The following NIBAN1 variants were observed in gnomAD, a reference collection of about 807,000 sequenced individuals.
NIBAN1 encodes the protein niban apoptosis regulator 1, also known as protein Niban 1.
A neutral mutation model predicts 75.1 loss-of-function variants in NIBAN1; 81 were observed. The ratio of observed to expected loss-of-function variants is 1.08; its 90% CI spans 0.90 to 1.30. NIBAN1 has a LOEUF of 1.30. Among genes scored for constraint, NIBAN1 ranks in the 50% most tolerant of loss-of-function variants. The pLI, the probability that NIBAN1 is intolerant of heterozygous loss-of-function variation, is 0.00. For missense variants in NIBAN1, 1,133 were observed against 1,128.1 expected (o/e 1.00, Z -0.06); for synonymous variants, 436 against 424.8 (o/e 1.03, Z -0.32).
chr1:184,924,506 T>C (rs1445287507), intron 1 of NIBAN1, among the ~76,000 whole-genome samples: 1 of 152,120 alleles, frequency 6.6e-6, no homozygotes, highest in Non-Finnish European at 1.5e-5. Context: ...TGTAGTTTTC[T>C]TTTTTTGATG....
chr1:184,973,913 T>G (rs1659001625), intron 1 of NIBAN1, among the ~76,000 whole-genome samples: 1 of 152,220 alleles, frequency 6.6e-6, no homozygotes, highest in Admixed American at 6.5e-5. Context: ...CCCAGGGGTA[T>G]CTCTAGAAAC....
intron 1 of NIBAN1, among the ~76,000 whole-genome samples, chr1:184,965,663 G>A (rs1658764878): frequency 6.6e-6 from 1 of 152,176 alleles, no homozygotes; most frequent in African/African-American, 2.4e-5. Flanking sequence ...ACGGTGGAGG[G>A]GAGAGGGAGG....
chr1:184,877,075 A>G (rs1656252428), intron 5 of NIBAN1, among the ~76,000 whole-genome samples: 1 of 152,212 alleles, frequency 6.6e-6, no homozygotes, highest in African/African-American at 2.4e-5. Flanking sequence ...GTCAATAATA[A>G]ATAGTGGAAA....
Position 184,818,798 on chromosome 1 carries a change from C to A in NIBAN1, c.1013G>T (p.Ser338Ile), listed in dbSNP as rs1410533486. Residue 338 changes from serine to isoleucine, a missense_variant, in exon 9 of 14, where the codon AGC becomes ATC. Coordinates refer to ENST00000367511, the MANE Select transcript of NIBAN1 (RefSeq NM_052966.4). ...KAMVAQPAEK[S>I]CLESVQPFLA... ...GAATGGCTGCACACTCTCCAAGCAG[C>A]TTTTCTCCGCCGGCTGGGCCACCAT... 1 of 1,599,960 alleles carries A rather than the reference C, an allele frequency of 6.3e-7. No homozygotes were observed. Among genetic ancestry groups the A allele is most frequent in the South Asian group, 1.1e-5 (1 of 89,992 alleles).
At chr1:184,835,129 G>A (rs1333010802) in intron 5 of NIBAN1, among the ~76,000 whole-genome samples, 1 of 152,088 alleles carries the variant, frequency 6.6e-6, no homozygotes, top group Non-Finnish European at 1.5e-5. Context: ...TTTTTGTCAG[G>A]TTTGTCAAAG....
At chr1:184,919,951 T>G (rs1293165891) in intron 1 of NIBAN1, among the ~76,000 whole-genome samples, 2 of 151,972 alleles carry the variant, frequency 1.3e-5, no homozygotes, top group Non-Finnish European at 2.9e-5. Context: ...ATGAAAAGTC[T>G]TGTTGCAATT....
chr1:184,866,084 C>A (rs1243067564), intron 5 of NIBAN1, among the ~76,000 whole-genome samples: 1 of 152,112 alleles, frequency 6.6e-6, no homozygotes, highest in Non-Finnish European at 1.5e-5. Flanking sequence ...GCTTACTACA[C>A]CCCTACACTC....
Position 184,823,654 on chromosome 1 carries a change from T to TTTCTGTCATTC in NIBAN1, c.795_805dup (p.Lys269ArgfsTer27), listed in dbSNP as rs747025792. The TTTCTGTCATTC allele has an allele frequency of 6.9e-5, 111 of 1,614,194 alleles. No individual in the cohort carries two copies. The East Asian group carries it at 2.5e-3, about 36-fold the overall frequency. On this transcript the variant is annotated frameshift_variant, in exon 7 of 14. Transcript: ENST00000367511. LOFTEE classifies it high-confidence loss of function. ...ATTGCTTACACCAAGCCACGTCCTC[T>TTTCTGTCATTC]TTCTGTCATTCTTCTTCCCCTTCAT...
chr1:184,875,822 T>C (rs1253100543), intron 5 of NIBAN1, among the ~76,000 whole-genome samples: 1 of 151,872 alleles, frequency 6.6e-6, no homozygotes, highest in Non-Finnish European at 1.5e-5. Context: ...CATCAGAAAT[T>C]AACATAATAG....
intron 1 of NIBAN1, among the ~76,000 whole-genome samples, chr1:184,926,119 TA>T (rs1657675447): frequency 6.6e-6 from 1 of 152,140 alleles, no homozygotes; most frequent in Non-Finnish European, 1.5e-5. Flanking sequence ...GGATACAAGG[TA>T]TTTTTTTTTT....
At chr1:184,955,882 G>T (rs963962613) in intron 1 of NIBAN1, among the ~76,000 whole-genome samples, 4 of 152,096 alleles carry the variant, frequency 2.6e-5, no homozygotes, top group African/African-American at 9.7e-5. Context: ...CCACCTCCAG[G>T]CCTGGAGCAC....
chr1:184,809,410 A>G (rs1157041747), intron 9 of NIBAN1, among the ~76,000 whole-genome samples: 1 of 152,204 alleles, frequency 6.6e-6, no homozygotes, highest in Non-Finnish European at 1.5e-5. Flanking sequence ...GTTTAATCAA[A>G]TGATAACACC....
intron 1 of NIBAN1, among the ~76,000 whole-genome samples, chr1:184,964,281 G>A (rs140379597): frequency 5.4e-4 from 82 of 152,238 alleles, no homozygotes; most frequent in Non-Finnish European, 8.5e-4. Context: ...GCAAAAGATA[G>A]GATTTTCCGA....
intron 5 of NIBAN1, among the ~76,000 whole-genome samples, chr1:184,839,706 C>T (rs913925166): frequency 6.6e-6 from 1 of 152,036 alleles, no homozygotes; most frequent in African/African-American, 2.4e-5. Context: ...AGCGATTATC[C>T]TGCCTCAGTC....
chr1:184,933,359 G>A (rs1436824260), intron 1 of NIBAN1, among the ~76,000 whole-genome samples: 3 of 152,236 alleles, frequency 2.0e-5, no homozygotes, highest in African/African-American at 7.2e-5. Context: ...GGAGCCACCA[G>A]TCTGACCTAT....
chr1:184,921,253 C>T (rs1657525860), intron 1 of NIBAN1, among the ~76,000 whole-genome samples: 2 of 152,052 alleles, frequency 1.3e-5, no homozygotes, highest in East Asian at 3.9e-4. Flanking sequence ...GCCGAGATTG[C>T]GCCATTGCAC....
chr1:184,921,471 G>A (rs1266935843), intron 1 of NIBAN1, among the ~76,000 whole-genome samples: 1 of 152,174 alleles, frequency 6.6e-6, no homozygotes, highest in Non-Finnish European at 1.5e-5. Flanking sequence ...AAAATGATAA[G>A]TGATTATCAC....
intron 12 of NIBAN1, among the ~76,000 whole-genome samples, chr1:184,799,461 G>A (rs1653969890): frequency 6.7e-6 from 1 of 150,122 alleles, no homozygotes; most frequent in Non-Finnish European, 1.5e-5. Context: ...ATTTGGGTTG[G>A]TTCCAAGACT....
chr1:184,912,838 G>A (rs1042142588), intron 1 of NIBAN1, among the ~76,000 whole-genome samples: 2 of 152,076 alleles, frequency 1.3e-5, no homozygotes, highest in African/African-American at 2.4e-5. Context: ...TGCAAACTAT[G>A]GAAAGGTGCC....
Sources: allele counts gnomAD v4.1 joint callset (sites outside exome capture counted in the v4.1 genomes callset), GRCh38; gene constraint gnomAD v4.1.1; transcripts MANE v1.5; gene names NCBI Gene and HGNC (gene_info 2026-07-23, HGNC 2026-07-21).